Variants in BMAL1 observed in about 807,000 individuals in gnomAD.
BMAL1 encodes the protein basic helix-loop-helix ARNT-like protein 1.
the BMAL1 span, among the ~76,000 whole-genome samples, chr11:13,284,257 T>C: frequency 0.14 from 3,965 of 28,214 alleles, 615 homozygotes; most frequent in African/African-American, 0.25. Context: ...TATATATATA[T>C]ATATATATAT....
the BMAL1 span, chr11:13,366,706 T>C: frequency 1.2e-6 from 2 of 1,614,016 alleles, no homozygotes; most frequent in African/African-American, 2.7e-5. Context: ...ACCTGCATCC[T>C]AAAGATATTG....
At chr11:13,362,006 A>C in the BMAL1 span, among the ~76,000 whole-genome samples, 1 of 152,182 alleles carries the variant, frequency 6.6e-6, no homozygotes, top group Non-Finnish European at 1.5e-5. Context: ...TGCAGAAACA[A>C]GTGTTTATAG....
chr11:13,360,686 TTAAAAA>T, the BMAL1 span, among the ~76,000 whole-genome samples: 567 of 152,326 alleles, frequency 3.7e-3, 3 homozygotes, highest in South Asian at 6.8e-3. Context: ...TCAGGATTTG[TTAAAAA>T]TAAGGGGGAT....
the BMAL1 span, among the ~76,000 whole-genome samples, chr11:13,309,417 G>C: frequency 0.014 from 2,104 of 152,176 alleles, 51 homozygotes; most frequent in African/African-American, 0.046. Context: ...TTCTGCCCAG[G>C]GGAGTGTCAT....
At chr11:13,277,361 G>A in the BMAL1 span, among the ~76,000 whole-genome samples, 1 of 152,180 alleles carries the variant, frequency 6.6e-6, no homozygotes, top group East Asian at 1.9e-4. Flanking sequence ...ACCCCGAGGA[G>A]CGCGGCTTGG....
chr11:13,356,825 T>G, the BMAL1 span: 1 of 1,613,822 alleles, frequency 6.2e-7, no homozygotes, highest in East Asian at 2.2e-5. Flanking sequence ...ATAGCCATTT[T>G]CTTTGCACTG....
At chr11:13,284,920 C>A in the BMAL1 span, among the ~76,000 whole-genome samples, 1 of 152,162 alleles carries the variant, frequency 6.6e-6, no homozygotes, top group Non-Finnish European at 1.5e-5. Context: ...AACCTCCATT[C>A]CCAGCCACAG....
At chr11:13,348,472 A>T in the BMAL1 span, among the ~76,000 whole-genome samples, 3 of 151,736 alleles carry the variant, frequency 2.0e-5, no homozygotes, top group Non-Finnish European at 4.4e-5. Flanking sequence ...AGTGACAAGG[A>T]TCTGGAGGGA....
chr11:13,372,539 G>A, the BMAL1 span: 2 of 1,396,174 alleles, frequency 1.4e-6, no homozygotes, highest in East Asian at 2.3e-5. Flanking sequence ...GCTGGGTGCA[G>A]TGGCTCACAC....
the BMAL1 span, among the ~76,000 whole-genome samples, chr11:13,360,928 C>T: frequency 1.2e-4 from 18 of 152,098 alleles, no homozygotes; most frequent in African/African-American, 4.3e-4. Context: ...CCAGCATGGC[C>T]AACATGTTGA....
the BMAL1 span, among the ~76,000 whole-genome samples, chr11:13,348,511 GT>G: frequency 6.6e-6 from 1 of 152,126 alleles, no homozygotes; most frequent in South Asian, 2.1e-4. Context: ...TTAGAGGGCT[GT>G]GTGGGGGCTG....
the BMAL1 span, chr11:13,356,979 G>A: frequency 2.2e-5 from 35 of 1,606,970 alleles, no homozygotes; most frequent in Non-Finnish European, 2.9e-5. Flanking sequence ...TCAGGCAGAA[G>A]AAAACAGCAA....
At chr11:13,315,049 TG>T in the BMAL1 span, among the ~76,000 whole-genome samples, 1 of 147,662 alleles carries the variant, frequency 6.8e-6, no homozygotes, top group East Asian at 1.9e-4. Context: ...CCTGAGAAGT[TG>T]TGCCAAGAGT....
the BMAL1 span, among the ~76,000 whole-genome samples, chr11:13,282,440 T>C: frequency 6.6e-6 from 1 of 152,062 alleles, no homozygotes; most frequent in Non-Finnish European, 1.5e-5. Flanking sequence ...CTTGCCGGGG[T>C]GCCTTGGCCT....
the BMAL1 span, chr11:13,385,690 T>C: frequency 6.2e-7 from 1 of 1,609,642 alleles, no homozygotes; most frequent in African/African-American, 1.3e-5. Flanking sequence ...TGTTTGTAGA[T>C]TTTAAATGGA....
chr11:13,305,577 T>A, the BMAL1 span, among the ~76,000 whole-genome samples: 1 of 152,232 alleles, frequency 6.6e-6, no homozygotes, highest in African/African-American at 2.4e-5. Context: ...TCTTTTCCAA[T>A]CTGTATGTTT....
At chr11:13,374,584 A>G in the BMAL1 span, among the ~76,000 whole-genome samples, 1 of 151,898 alleles carries the variant, frequency 6.6e-6, no homozygotes, top group African/African-American at 2.4e-5. Context: ...ACCAACATTG[A>G]CCCCTTCTTT....
At chr11:13,385,686 T>C in the BMAL1 span, 1 of 1,606,682 alleles carries the variant, frequency 6.2e-7, no homozygotes, top group Non-Finnish European at 8.5e-7. Flanking sequence ...CTTTTGTTTG[T>C]AGATTTTAAA....
chr11:13,363,549 G>C, the BMAL1 span, among the ~76,000 whole-genome samples: 2 of 152,184 alleles, frequency 1.3e-5, no homozygotes, highest in African/African-American at 4.8e-5. Context: ...ATGATGTTCA[G>C]ACAGTTTGGC....
Sources: allele counts gnomAD v4.1 joint callset (sites outside exome capture counted in the v4.1 genomes callset), GRCh38; gene constraint gnomAD v4.1.1; transcripts MANE v1.5; gene names NCBI Gene and HGNC (gene_info 2026-07-23, HGNC 2026-07-21).